SYT14: variants seen among roughly 807,000 people sequenced by gnomAD.
The protein encoded by SYT14 is synaptotagmin 14, also known as synaptotagmin-14.
Under a neutral mutation model 74.2 loss-of-function variants are expected in SYT14, and 32 were observed. The ratio of observed to expected loss-of-function variants is 0.43; its 90% CI spans 0.33 to 0.58. The LOEUF is 0.58. Ranked by LOEUF, SYT14 falls within the 20% of genes least tolerant of loss-of-function variation. SYT14 has a pLI of 0.05. For synonymous variants in SYT14, 298 were observed against 337.7 expected (o/e 0.88, Z 1.29); for missense variants, 791 against 981.8 (o/e 0.81, Z 2.60).
intron 7 of SYT14, among the ~76,000 whole-genome samples, chr1:210,115,361 G>A (rs1181717448): frequency 1.3e-5 from 2 of 149,672 alleles, no homozygotes; most frequent in East Asian, 2.0e-4. Context: ...AGGGTTGGGG[G>A]GTGCTTGCCC....
At chr1:209,976,072 C>T (rs1384112087) in intron 2 of SYT14, among the ~76,000 whole-genome samples, 1 of 151,918 alleles carries the variant, frequency 6.6e-6, no homozygotes, top group Non-Finnish European at 1.5e-5. Context: ...TTTTTTATTG[C>T]ATCTATTTGA....
intron 2 of SYT14, among the ~76,000 whole-genome samples, chr1:209,960,800 T>C (rs1360240781): frequency 1.3e-5 from 2 of 152,202 alleles, no homozygotes; most frequent in African/African-American, 4.8e-5. Context: ...GGGGCTACAA[T>C]AGATATCCTA....
chr1:210,161,738 C>T (rs1481926899), exon 10 of SYT14: 2 of 453,650 alleles, frequency 4.4e-6, no homozygotes, highest in Non-Finnish European at 8.8e-6. Flanking sequence ...CCAAAGAGAC[C>T]AAGTCACTGT....
chr1:210,082,453 T>G (rs1198609760), intron 5 of SYT14, among the ~76,000 whole-genome samples: 5 of 152,256 alleles, frequency 3.3e-5, no homozygotes, highest in African/African-American at 4.8e-5. Flanking sequence ...AACATTTCGC[T>G]TCTGTTGGTG....
chr1:210,010,568 T>C (rs2080068645), intron 2 of SYT14, among the ~76,000 whole-genome samples: 1 of 152,170 alleles, frequency 6.6e-6, no homozygotes, highest in African/African-American at 2.4e-5. Context: ...CTTTCTCAGG[T>C]AGTGCTTCTT....
intron 2 of SYT14, among the ~76,000 whole-genome samples, chr1:209,978,108 A>C (rs75967632): frequency 1.3e-5 from 2 of 152,064 alleles, no homozygotes; most frequent in African/African-American, 4.8e-5. Flanking sequence ...CCATTCGTAT[A>C]ATTTTTTTTC....
chr1:210,105,221 G>T (rs951535745), intron 7 of SYT14, among the ~76,000 whole-genome samples: 23 of 152,164 alleles, frequency 1.5e-4, no homozygotes, highest in Non-Finnish European at 1.0e-4. Flanking sequence ...GTGAATCACT[G>T]CTTTTGACCA....
chr1:210,136,487 A>G (rs570061892), intron 7 of SYT14, among the ~76,000 whole-genome samples: 10 of 152,188 alleles, frequency 6.6e-5, no homozygotes, highest in Admixed American at 5.9e-4. Context: ...AATTCATCCC[A>G]TTGTGTGATG....
intron 2 of SYT14, among the ~76,000 whole-genome samples, chr1:209,997,284 G>A (rs887512881): frequency 1.3e-5 from 2 of 152,064 alleles, no homozygotes; most frequent in Non-Finnish European, 1.5e-5. Flanking sequence ...TTCAGGATAT[G>A]AAATCAGTGT....
chr1:210,075,905 T>A (rs1461182672), intron 5 of SYT14, among the ~76,000 whole-genome samples: 1 of 152,232 alleles, frequency 6.6e-6, no homozygotes, highest in African/African-American at 2.4e-5. Flanking sequence ...TGTTAAATAG[T>A]ACCTGCATGA....
rs538151856 is a variant in SYT14 at position 210,035,904 on chromosome 1, A to G, written c.1312+14650A>G. Reference sequence around the variant, plus strand: ...GCTATTTGGGCTTCTTGTTGGTTCTATCTGAATTTGGGGATTGTTTTTTCT... The same window carrying G: ...GCTATTTGGGCTTCTTGTTGGTTCTGTCTGAATTTGGGGATTGTTTTTTCT... On this transcript the variant is annotated intron_variant, in intron 5 of 9. Coordinates refer to ENST00000637265, the Ensembl canonical transcript of SYT14. 4.2e-4 allele frequency among the ~76,000 whole-genome samples: 64 copies of G among 151,994 alleles called. 3 individuals carry two copies. In the South Asian group the frequency reaches 0.01, roughly 24 times the overall value.
exon 10 of SYT14, chr1:210,169,054 G>T (rs973788517): frequency 1.3e-5 from 2 of 151,870 alleles, no homozygotes; most frequent in Admixed American, 6.6e-5. Flanking sequence ...CCTCTAGCTT[G>T]CACATTCTTT....
chr1:210,132,276 C>G (rs185782536), intron 7 of SYT14, among the ~76,000 whole-genome samples: 2 of 152,108 alleles, frequency 1.3e-5, no homozygotes, highest in African/African-American at 4.8e-5. Flanking sequence ...CACGCCAAGT[C>G]CACCTCTTCA....
chr1:210,159,510 C>T (rs2083332104), intron 9 of SYT14, 33 bp downstream of exon 8: 1 of 1,547,682 alleles, frequency 6.5e-7, no homozygotes, highest in Non-Finnish European at 8.7e-7. Context: ...TGGATGTTGT[C>T]TTTTCATGCA....
intron 5 of SYT14, among the ~76,000 whole-genome samples, chr1:210,055,779 TAA>T (rs879751075): frequency 4.3e-5 from 6 of 140,424 alleles, no homozygotes; most frequent in East Asian, 2.0e-4. Context: ...AACTCGAAAT[TAA>T]AAAAAAAAAA....
At chr1:210,061,666 T>C (rs1558161937) in intron 5 of SYT14, among the ~76,000 whole-genome samples, 1 of 151,918 alleles carries the variant, frequency 6.6e-6, no homozygotes, top group Non-Finnish European at 1.5e-5. Context: ...TAACTAGTTA[T>C]GGAAATTTAG....
At chr1:210,101,689 C>G (rs916805386) in intron 7 of SYT14, among the ~76,000 whole-genome samples, 1 of 148,336 alleles carries the variant, frequency 6.7e-6, no homozygotes, top group African/African-American at 2.5e-5. Flanking sequence ...GGCAATATTT[C>G]GGAGGGGGGA....
chr1:210,044,841 G>T (rs2080856017), intron 5 of SYT14, among the ~76,000 whole-genome samples: 1 of 152,174 alleles, frequency 6.6e-6, no homozygotes, highest in African/African-American at 2.4e-5. Flanking sequence ...TTTACTTACG[G>T]TGGAGCATGA....
chr1:210,161,955 G>T, exon 10 of SYT14: 2 of 453,758 alleles, frequency 4.4e-6, no homozygotes, highest in South Asian at 3.1e-5. Flanking sequence ...TAGATAAGCT[G>T]TCGAAAATGG....
Sources: allele counts gnomAD v4.1 joint callset (sites outside exome capture counted in the v4.1 genomes callset), GRCh38; gene constraint gnomAD v4.1.1; transcripts MANE v1.5; gene names NCBI Gene and HGNC (gene_info 2026-07-23, HGNC 2026-07-21).